The following LRP1B variants were observed in gnomAD, a reference collection of about 807,000 sequenced individuals.
LRP1B encodes LDL receptor related protein 1B.
A neutral mutation model predicts 556.6 loss-of-function variants in LRP1B; 217 were observed. The ratio of observed to expected loss-of-function variants is 0.39; its 90% CI spans 0.35 to 0.44. LRP1B has a LOEUF of 0.44. Ranked by LOEUF, LRP1B falls within the 20% of genes least tolerant of loss-of-function variation. The probability of loss-of-function intolerance (pLI) is 1.00; values close to 1 mark genes in which losing one functional copy is unlikely to be tolerated. For missense variants in LRP1B, 5,053 were observed against 5,620.8 expected (o/e 0.90, Z 3.23); for synonymous variants, 2,047 against 1,865.8 (o/e 1.10, Z -2.50).
At chr2:140,941,885 CAG>C (rs1444956194) in intron 20 of LRP1B, among the ~76,000 whole-genome samples, 2 of 152,144 alleles carry the variant, frequency 1.3e-5, no homozygotes, top group Non-Finnish European at 2.9e-5. Context: ...TTCAAAGAGA[CAG>C]AGTGTTTCAT....
At chr2:140,411,295 A>G (rs997072769) in intron 66 of LRP1B, among the ~76,000 whole-genome samples, 3 of 152,156 alleles carry the variant, frequency 2.0e-5, no homozygotes, top group Admixed American at 1.3e-4. Context: ...AGTATATTGA[A>G]TATTTTAATT....
chr2:141,706,770 C>T (rs1453726248), intron 2 of LRP1B, among the ~76,000 whole-genome samples: 1 of 151,978 alleles, frequency 6.6e-6, no homozygotes, highest in Non-Finnish European at 1.5e-5. Flanking sequence ...CATAGCCTCA[C>T]AAAATTAAGA....
At chr2:141,084,002 AAC>A (rs1169550246) in intron 7 of LRP1B, among the ~76,000 whole-genome samples, 1 of 152,260 alleles carries the variant, frequency 6.6e-6, no homozygotes, top group Non-Finnish European at 1.5e-5. Flanking sequence ...TAAGTTACTT[AAC>A]CTTTCTGTGG....
intron 35 of LRP1B, among the ~76,000 whole-genome samples, chr2:140,752,322 C>CTTT (rs34686176): frequency 0.05 from 6,849 of 135,926 alleles, 223 homozygotes; most frequent in East Asian, 0.13. Flanking sequence ...ACTTAAAATA[C>CTTT]TTTTTTTTTT....
Position 142,097,250 on chromosome 2 carries a change from G to A in LRP1B, c.82+33398C>T, listed in dbSNP as rs540099550. On this transcript the variant is annotated intron_variant, in intron 1 of 90. Transcript: ENST00000389484. ...ATATATGGTGAAAACAATAATCGTT[G>A]AAAACTGGATTTCCTTGTAAAGCCT... Among the ~76,000 whole-genome samples, 32 of 151,612 alleles carry A rather than the reference G, an allele frequency of 2.1e-4. No individual in the cohort carries two copies. In the South Asian group the frequency reaches 6.6e-3, roughly 31 times the overall value.
At chr2:141,986,572 G>A (rs1702192411) in intron 1 of LRP1B, among the ~76,000 whole-genome samples, 1 of 151,610 alleles carries the variant, frequency 6.6e-6, no homozygotes, top group Non-Finnish European at 1.5e-5. Context: ...TGAATCTCTT[G>A]ACTTCTAACA....
chr2:141,393,531 T>C (rs1690131795), intron 3 of LRP1B, among the ~76,000 whole-genome samples: 1 of 152,124 alleles, frequency 6.6e-6, no homozygotes, highest in South Asian at 2.1e-4. Flanking sequence ...TCTCACCTTT[T>C]AAAAAATAAT....
chr2:141,587,472 C>A (rs113268661), intron 2 of LRP1B, among the ~76,000 whole-genome samples: 1 of 152,122 alleles, frequency 6.6e-6, no homozygotes, highest in Non-Finnish European at 1.5e-5. Context: ...CATTAAATAG[C>A]AACTAGAACT....
intron 31 of LRP1B, among the ~76,000 whole-genome samples, chr2:140,830,509 C>T (rs1691678676): frequency 6.6e-6 from 1 of 152,012 alleles, no homozygotes; most frequent in African/African-American, 2.4e-5. Flanking sequence ...GACATATAAT[C>T]ATTTCCTTAG....
chr2:141,970,052 A>G (rs1251960908), intron 1 of LRP1B, among the ~76,000 whole-genome samples: 1 of 151,468 alleles, frequency 6.6e-6, no homozygotes, highest in East Asian at 1.9e-4. Context: ...TTTATTTCAC[A>G]TATCTGTTGA....
chr2:141,340,644 T>G (rs1688024406), intron 3 of LRP1B, among the ~76,000 whole-genome samples: 1 of 152,162 alleles, frequency 6.6e-6, no homozygotes, highest in Admixed American at 6.5e-5. Context: ...CCAAGCTATT[T>G]CATTATCATA....
chr2:142,032,034 G>A (rs1218275181), intron 1 of LRP1B, among the ~76,000 whole-genome samples: 2 of 151,950 alleles, frequency 1.3e-5, no homozygotes, highest in East Asian at 3.9e-4. Flanking sequence ...GAGGGAGCAT[G>A]GCCCTGCCAA....
At chr2:140,904,314 A>G (rs1694186752) in intron 22 of LRP1B, among the ~76,000 whole-genome samples, 1 of 152,148 alleles carries the variant, frequency 6.6e-6, no homozygotes, top group Non-Finnish European at 1.5e-5. Context: ...GGTACATAGA[A>G]ATAAGGCTGA....
chr2:141,017,543 A>C (rs1001142817), intron 12 of LRP1B, among the ~76,000 whole-genome samples: 4 of 151,852 alleles, frequency 2.6e-5, no homozygotes, highest in African/African-American at 4.8e-5. Context: ...TATTTGAGAA[A>C]AGGAATTGTT....
chr2:141,320,799 C>A (rs1347314437), intron 3 of LRP1B, among the ~76,000 whole-genome samples: 1 of 152,030 alleles, frequency 6.6e-6, no homozygotes, highest in African/African-American at 2.4e-5. Flanking sequence ...TTACACATCC[C>A]CAACTACACC....
At chr2:141,141,641 C>T (rs1387414417) in intron 7 of LRP1B, among the ~76,000 whole-genome samples, 1 of 151,990 alleles carries the variant, frequency 6.6e-6, no homozygotes, top group African/African-American at 2.4e-5. Flanking sequence ...AACTTATGGA[C>T]CTTGTATGAA....
chr2:142,066,659 T>C (rs115208465), intron 1 of LRP1B, among the ~76,000 whole-genome samples: 6,550 of 151,618 alleles, frequency 0.043, 231 homozygotes, highest in Non-Finnish European at 0.058. Context: ...ATCAGAGCCA[T>C]TGACTTCCGT....
chr2:140,885,394 A>T (rs1310005403), intron 24 of LRP1B, among the ~76,000 whole-genome samples: 1 of 149,410 alleles, frequency 6.7e-6, no homozygotes, highest in African/African-American at 2.5e-5. Flanking sequence ...TCTGTTGCCC[A>T]GGCTGGAGTA....
chr2:141,803,984 T>G (rs914244353), intron 2 of LRP1B, among the ~76,000 whole-genome samples: 2 of 152,140 alleles, frequency 1.3e-5, no homozygotes, highest in Admixed American at 1.3e-4. Flanking sequence ...TCTCACCTAA[T>G]GACTTATAGA....
Sources: gnomAD v4.1 joint callset for allele counts (sites outside exome capture counted in the v4.1 genomes callset) on GRCh38, gnomAD v4.1.1 for gene constraint, MANE v1.5 for transcripts, NCBI Gene and HGNC (gene_info 2026-07-23, HGNC 2026-07-21) for gene names.